The following CTSB variants were observed in gnomAD, a reference collection of about 807,000 sequenced individuals.
CTSB encodes cathepsin B.
CTSB carries 57 observed loss-of-function variants against 44.3 expected under a neutral mutation model. The observed-to-expected ratio is 1.29, with a 90% confidence interval of 1.04 to 1.60. CTSB has a LOEUF of 1.60. Ranked by LOEUF, CTSB falls within the 40% of genes most tolerant of loss-of-function variation. CTSB has a pLI of 0.00. For missense variants in CTSB, 768 were observed against 443.0 expected (o/e 1.73, Z -6.59); for synonymous variants, 320 against 168.0 (o/e 1.91, Z -7.00).
At chr8:11,848,734 T>TC (rs1813943854) in intron 5 of CTSB, 1 of 308,020 alleles carries the variant, frequency 3.2e-6, no homozygotes, top group Non-Finnish European at 6.4e-6. Context: ...CCAAACTGGT[T>TC]CCCCAAGCAG....
intron 1 of CTSB, among the ~76,000 whole-genome samples, chr8:11,856,556 T>C (rs1012891048): frequency 2.0e-5 from 3 of 152,128 alleles, no homozygotes; most frequent in Non-Finnish European, 4.4e-5. Context: ...GAGGCTGCAC[T>C]CCAGCCTGGA....
At chr8:11,865,808 A>G (rs1817039854) in intron 1 of CTSB, among the ~76,000 whole-genome samples, 1 of 149,462 alleles carries the variant, frequency 6.7e-6, no homozygotes, top group Non-Finnish European at 1.5e-5. Flanking sequence ...GAGTTCGAAA[A>G]CCAGCCTGGC....
Position 11,843,736 on chromosome 8 carries a change from G to A in CTSB, c.*1389C>T, listed in dbSNP as rs1250707353. 1 of 152,098 alleles carries A rather than the reference G, an allele frequency of 6.6e-6. No homozygotes were observed. Among genetic ancestry groups the A allele is most frequent in the Non-Finnish European group, 1.5e-5 (1 of 67,998 alleles). The allele number at this position is 152,098 out of a possible 1,614,324, so 9.4% of individuals were successfully genotyped here. A position where few individuals can be genotyped will look rare whatever the true frequency, so the allele number is the denominator to read the frequency against. On this transcript the variant is annotated 3_prime_UTR_variant, in exon 10 of 10. Transcript: ENST00000353047. ...TCAGCTTGTTGCTGGATTTGTGGCT[G>A]ATAAAAAATACAGGCAGGGCCCAGT... is the stretch of plus-strand genomic sequence containing the variant.
chr8:11,852,800 C>G, intron 2 of CTSB, 105 bp from the exon 3 acceptor site: 3 of 996,586 alleles, frequency 3.0e-6, no homozygotes, highest in Non-Finnish European at 4.5e-6. Context: ...AGACCCTACC[C>G]AATTCAAGGG....
At chr8:11,845,295 G>C (rs778987491) in intron 9 of CTSB, 73 bp from the exon 10 acceptor site, 5 of 1,177,252 alleles carry the variant, frequency 4.2e-6, no homozygotes, top group Non-Finnish European at 6.3e-6. Context: ...ATCCTTAAAA[G>C]ACCTTAAGTC....
In CTSB at chr8:11,845,008, GGCCAATCCAGTC is replaced by G; in HGVS notation, c.*105_*116del. On this transcript the variant is annotated 3_prime_UTR_variant, in exon 10 of 10. Coordinates refer to ENST00000353047, the MANE Select transcript of CTSB (RefSeq NM_001908.5). ...TCCTTGGAAGACAGGTCTGATGTTT[GGCCAATCCAGTC>G]CTTCAGACCCTGTCTGAAACTTGTA... The G allele has an allele frequency of 1.4e-6, 1 of 706,662 alleles. No homozygotes were observed. Among genetic ancestry groups the G allele is most frequent in the Non-Finnish European group, 2.5e-6 (1 of 406,052 alleles). 43.8% of individuals were successfully genotyped at this position (706,662 alleles called of 1,614,324 possible).
Position 11,845,653 on chromosome 8 carries a change from C to A in CTSB, c.922+8G>T. 1 of 1,611,382 alleles carries A rather than the reference C, an allele frequency of 6.2e-7. No homozygotes were observed. Among genetic ancestry groups the A allele is most frequent in the Non-Finnish European group, 8.5e-7 (1 of 1,178,042 alleles). On this transcript the variant is annotated splice_region_variant and intron_variant, in intron 9 of 9. Transcript: ENST00000353047. ...ACTGTTCTTGGCAGGAAGGGGGCAG[C>A]CACTCACCATTGTCACCCCAGTCAG...
intron 1 of CTSB, among the ~76,000 whole-genome samples, chr8:11,858,103 C>T (rs1431691777): frequency 6.6e-6 from 1 of 152,160 alleles, no homozygotes; most frequent in Non-Finnish European, 1.5e-5. Flanking sequence ...TCTCAGGTGG[C>T]AGTCAAGAAT....
chr8:11,847,286 C>T lies in CTSB; in HGVS notation c.677-118G>A, dbSNP rs1813576555. The stretch of plus-strand genomic sequence containing the variant: ...CAGGGGAAGACTGCATCTAAGGGGA[C>T]TTGCCCTGCCAGGGGAGCTCAAGGA... On this transcript the variant is annotated intron_variant, in intron 7 of 9. Coordinates refer to ENST00000353047, the MANE Select transcript of CTSB (RefSeq NM_001908.5). The T allele has an allele frequency of 5.6e-6, 4 of 714,402 alleles. No individual in the cohort carries two copies. The South Asian group carries it at 6.4e-5, about 12-fold the overall frequency. The allele number at this position is 714,402 out of a possible 1,614,324, so 44.3% of individuals were successfully genotyped here.
chr8:11,850,828 T>A, intron 4 of CTSB, 38 bp downstream of exon 4: 1 of 1,489,632 alleles, frequency 6.7e-7, no homozygotes, highest in Non-Finnish European at 9.3e-7. Flanking sequence ...GCTCCCACTT[T>A]CTCTCCAGCG....
intron 1 of CTSB, chr8:11,864,329 A>AC (rs1300284210): frequency 1.3e-5 from 2 of 150,020 alleles, no homozygotes; most frequent in East Asian, 1.9e-4. Context: ...AAAAAAAAAA[A>AC]AAAAAAAAAA....
intron 9 of CTSB, 122 bp from the exon 10 acceptor site, chr8:11,845,344 C>T (rs746668539): frequency 1.4e-6 from 1 of 740,542 alleles, no homozygotes; most frequent in South Asian, 1.7e-5. Context: ...CCCACTAGCA[C>T]AGTCCTCAAC....
intron 9 of CTSB, among the ~76,000 whole-genome samples, 178 bp downstream of exon 9, chr8:11,845,483 G>T (rs1394067600): frequency 1.3e-5 from 2 of 152,206 alleles, no homozygotes; most frequent in African/African-American, 4.8e-5. Context: ...AAGCTGCTCA[G>T]AGTCTGCCCT....
At chr8:11,851,428 G>C (rs1357632234) in intron 3 of CTSB, among the ~76,000 whole-genome samples, 1 of 152,150 alleles carries the variant, frequency 6.6e-6, no homozygotes, top group East Asian at 1.9e-4. Flanking sequence ...GGCTTCAAAT[G>C]ATCTGCCTGC....
chr8:11,848,422 T>C (rs1813869039), intron 5 of CTSB: 1 of 580,864 alleles, frequency 1.7e-6, no homozygotes, highest in Non-Finnish European at 3.2e-6. Flanking sequence ...CAGACCAGGC[T>C]ACGAGTGCCC....
intron 1 of CTSB, among the ~76,000 whole-genome samples, chr8:11,859,350 G>A (rs1003723728): frequency 1.3e-5 from 2 of 152,130 alleles, no homozygotes; most frequent in Admixed American, 6.5e-5. Context: ...GGGACCTTGC[G>A]ATCCTGGAAG....
At position 11,844,218 on chromosome 8, in the gene CTSB, C is replaced by CA. The variant is rs1448463231; in HGVS notation, c.*906dup. On this transcript the variant is annotated 3_prime_UTR_variant, in exon 10 of 10. Transcript: ENST00000353047. ...GATGAAGTCCCAAGAGTCGCAAGAA[C>CA]ATGCAGTTCCAGGACGTGATTCTCT... The CA allele has an allele frequency of 6.6e-6, 1 of 152,184 alleles. No individual in the cohort carries two copies. The highest frequency in any genetic ancestry group is 1.5e-5 in the Non-Finnish European group (1 of 68,046). The allele number at this position is 152,184 out of a possible 1,614,324, so 9.4% of individuals were successfully genotyped here. A position where few individuals can be genotyped will look rare whatever the true frequency, so the allele number is the denominator to read the frequency against.
rs1586098291 is a variant in CTSB at position 11,847,767 on chromosome 8, G to C, written c.588C>G (p.Pro196=). 3 of 1,600,592 alleles carry C rather than the reference G, an allele frequency of 1.9e-6. 1 individual carries two copies. In the East Asian group the frequency reaches 6.7e-5, roughly 36 times the overall value. The change falls in exon 7 of 10, where the codon CCC becomes CCG. Residue 196 remains proline (P), a synonymous_variant. Coordinates refer to ENST00000353047, the MANE Select transcript of CTSB (RefSeq NM_001908.5). ...GGGTATCTCCCTCCCCCGTGCATGG[G>C]GGCCGGGAGCCGTTGACGTGGTGCT... ...PCEHHVNGSR[P]PCTGEGDTPK...
chr8:11,866,633 G>C (rs1053601413), intron 1 of CTSB, among the ~76,000 whole-genome samples: 1 of 152,242 alleles, frequency 6.6e-6, no homozygotes, highest in African/African-American at 2.4e-5. Context: ...GCCGAGACAG[G>C]CGGATCACCT....
Sources: gnomAD v4.1 joint callset for allele counts (sites outside exome capture counted in the v4.1 genomes callset) on GRCh38, gnomAD v4.1.1 for gene constraint, MANE v1.5 for transcripts, NCBI Gene and HGNC (gene_info 2026-07-23, HGNC 2026-07-21) for gene names.